The following COL6A5 variants were observed in gnomAD, a reference collection of about 807,000 sequenced individuals.
COL6A5 encodes the protein collagen alpha-5(VI) chain.
Under a neutral mutation model 65.6 loss-of-function variants are expected in COL6A5, and 48 were observed. That is an observed-to-expected ratio of 0.73 (90% CI 0.58 to 0.93). The LOEUF is 0.93. Among genes scored for constraint, COL6A5 ranks in the 40% least tolerant of loss-of-function variants. The probability of loss-of-function intolerance (pLI) is 0.00; values close to 1 mark genes in which losing one functional copy is unlikely to be tolerated. For synonymous variants in COL6A5, 291 were observed against 322.8 expected (o/e 0.90, Z 1.05); for missense variants, 914 against 928.3 (o/e 0.98, Z 0.20).
intron 10 of COL6A5, among the ~76,000 whole-genome samples, chr3:130,399,109 C>T (rs115639930): frequency 0.014 from 2,062 of 152,256 alleles, 42 homozygotes; most frequent in African/African-American, 0.047. Context: ...TGGAAGACTC[C>T]GTTAATTGTC....
In COL6A5 at chr3:130,391,178, G is replaced by C; in HGVS notation, c.2417-1G>C. 2 of 1,545,464 alleles carry C rather than the reference G, an allele frequency of 1.3e-6. No homozygotes were observed. The highest frequency in any genetic ancestry group is 1.8e-6 in the Non-Finnish European group (2 of 1,142,674). On this transcript the variant is annotated splice_acceptor_variant and NMD_transcript_variant, in intron 6 of 41. Transcript: ENST00000312481. The stretch of plus-strand genomic sequence containing the variant: ...TGACTCCTGTTTTCATCTTCTTTCA[G>C]ATTGTAAAAGGATTACACTACTAGA...
intron 4 of COL6A5, among the ~76,000 whole-genome samples, chr3:130,453,910 A>G (rs864701): frequency 0.83 from 126,291 of 152,172 alleles, 54,040 homozygotes; most frequent in Non-Finnish European, 0.93. Flanking sequence ...TGGTAATTTT[A>G]CAGGGAAGCG....
chr3:130,410,193 C>G (rs1245997141), intron 19 of COL6A5, 119 bp downstream of exon 19: 3 of 763,860 alleles, frequency 3.9e-6, no homozygotes, highest in Non-Finnish European at 6.3e-6. Flanking sequence ...ATTGAAAAGA[C>G]CTTTATTTTT....
At chr3:130,396,621 C>A (rs1165222207) in intron 8 of COL6A5, among the ~76,000 whole-genome samples, 3 of 152,204 alleles carry the variant, frequency 2.0e-5, no homozygotes, top group Non-Finnish European at 2.9e-5. Flanking sequence ...ATGTTGACAT[C>A]AGGCTCCTCT....
chr3:130,345,911 G>A lies in COL6A5; in HGVS notation c.-99G>A. Reference sequence around the variant, plus strand: ...CGCGTTTACTGCGCTCAGGAGCTCGGTGCAGCCTCTTCTGGAGAGTTGGGG... The same window carrying A: ...CGCGTTTACTGCGCTCAGGAGCTCGATGCAGCCTCTTCTGGAGAGTTGGGG... On this transcript the variant is annotated 5_prime_UTR_variant and NMD_transcript_variant, in exon 1 of 42. It adds an upstream start codon to the 5' untranslated region. Coordinates refer to the COL6A5 transcript ENST00000312481. The A allele has an allele frequency of 2.5e-6, 1 of 398,712 alleles. No individual in the cohort carries two copies. The highest frequency in any genetic ancestry group is 4.4e-6 in the Non-Finnish European group (1 of 226,144). 24.7% of individuals were successfully genotyped at this position (398,712 alleles called of 1,614,324 possible). A position where few individuals can be genotyped will look rare whatever the true frequency, so the allele number is the denominator to read the frequency against.
At chr3:130,462,106 A>G (rs1709716162) in intron 5 of COL6A5, among the ~76,000 whole-genome samples, 1 of 152,086 alleles carries the variant, frequency 6.6e-6, no homozygotes, top group Non-Finnish European at 1.5e-5. Flanking sequence ...AAACAGCAAA[A>G]CAAGATAATT....
intron 10 of COL6A5, among the ~76,000 whole-genome samples, chr3:130,399,131 A>T (rs535062231): frequency 3.9e-5 from 6 of 152,250 alleles, no homozygotes; most frequent in Non-Finnish European, 8.8e-5. Context: ...AATGAGATGC[A>T]TTGTTTAAGA....
At chr3:130,407,641 A>G (rs1937037423) in intron 17 of COL6A5, among the ~76,000 whole-genome samples, 1 of 152,182 alleles carries the variant, frequency 6.6e-6, no homozygotes, top group African/African-American at 2.4e-5. Context: ...TATGTGGAGT[A>G]AATACCTACC....
At chr3:130,474,115 G>A (rs917638582) in intron 7 of COL6A5, among the ~76,000 whole-genome samples, 1 of 152,084 alleles carries the variant, frequency 6.6e-6, no homozygotes, top group Non-Finnish European at 1.5e-5. Flanking sequence ...GGGCCAGCAT[G>A]TGTGGGTAAC....
chr3:130,419,627 TCCAGAGAA>T (rs1466719095), intron 25 of COL6A5, among the ~76,000 whole-genome samples: 1 of 152,044 alleles, frequency 6.6e-6, no homozygotes, highest in Non-Finnish European at 1.5e-5. Flanking sequence ...CATGGATGGA[TCCAGAGAA>T]CATTATGTGA....
intron 1 of COL6A5, among the ~76,000 whole-genome samples, chr3:130,365,057 G>A (rs1935281780): frequency 2.0e-5 from 3 of 152,172 alleles, no homozygotes; most frequent in Admixed American, 2.0e-4. Context: ...TATACTGGCT[G>A]ATTCTCTCTG....
intron 7 of COL6A5, among the ~76,000 whole-genome samples, chr3:130,479,684 C>A (rs935812618): frequency 6.6e-6 from 1 of 151,944 alleles, no homozygotes; most frequent in Admixed American, 6.6e-5. Context: ...AGTGAATGAA[C>A]TAAATTGAAG....
At chr3:130,355,051 C>G (rs1235193531) in intron 1 of COL6A5, among the ~76,000 whole-genome samples, 1 of 151,432 alleles carries the variant, frequency 6.6e-6, no homozygotes, top group Non-Finnish European at 1.5e-5. Context: ...TTAATTTCAC[C>G]TTTTTTTTAC....
At chr3:130,412,285 A>G (rs1381305624) in intron 20 of COL6A5, among the ~76,000 whole-genome samples, 1 of 152,158 alleles carries the variant, frequency 6.6e-6, no homozygotes. Flanking sequence ...CCATTTTTCC[A>G]GATGGAAAAA....
chr3:130,449,660 G>A (rs533784713), intron 4 of COL6A5, among the ~76,000 whole-genome samples: 4 of 152,100 alleles, frequency 2.6e-5, no homozygotes, highest in Admixed American at 6.5e-5. Context: ...TATGGTGCAC[G>A]TGGGCCTTTG....
At chr3:130,398,067 G>A (rs1304267086) in exon 10 of COL6A5, 3 of 1,549,840 alleles carry the variant, frequency 1.9e-6, no homozygotes, top group African/African-American at 2.8e-5. Context: ...CAGAGTGAAA[G>A]CAACATAATG....
intron 8 of COL6A5, among the ~76,000 whole-genome samples, chr3:130,395,828 CA>C: frequency 6.6e-6 from 1 of 152,274 alleles, no homozygotes; most frequent in East Asian, 1.9e-4. Flanking sequence ...GTAAAATAAA[CA>C]TTTACAGATT....
chr3:130,478,459 CA>C (rs1437169712), intron 7 of COL6A5, among the ~76,000 whole-genome samples: 6 of 151,992 alleles, frequency 3.9e-5, no homozygotes, highest in African/African-American at 1.4e-4. Flanking sequence ...CTGGGTGACA[CA>C]CAAAGATTTT....
In COL6A5 at chr3:130,376,901, C is replaced by T. The variant is rs1202576140; in HGVS notation, c.667+65C>T. 7 of 1,453,594 alleles carry T rather than the reference C, an allele frequency of 4.8e-6. No homozygotes were observed. In the East Asian group the frequency reaches 1.2e-4, roughly 25 times the overall value. The allele number at this position is 1,453,594 out of a possible 1,614,324, so 90.0% of individuals were successfully genotyped here. ...GTGGGTCTACATCTGTCCACTCTCA[C>T]CTCTTGCAACTCATGTTAGGTTTTC... On this transcript the variant is annotated intron_variant and NMD_transcript_variant, in intron 3 of 41. Coordinates refer to the COL6A5 transcript ENST00000312481.
Sources: allele counts gnomAD v4.1 joint callset (sites outside exome capture counted in the v4.1 genomes callset), GRCh38; gene constraint gnomAD v4.1.1; transcripts MANE v1.5; gene names NCBI Gene and HGNC (gene_info 2026-07-23, HGNC 2026-07-21).